PPP1R1C: variants seen among roughly 807,000 people sequenced by gnomAD.
PPP1R1C encodes protein phosphatase 1 regulatory subunit 1C.
A neutral mutation model predicts 17.4 loss-of-function variants in PPP1R1C; 15 were observed. That is an observed-to-expected ratio of 0.86 (90% CI 0.58 to 1.33). The LOEUF is 1.33. Among genes scored for constraint, PPP1R1C ranks in the 40% most tolerant of loss-of-function variants. The probability of loss-of-function intolerance (pLI) is 0.00; values close to 1 mark genes in which losing one functional copy is unlikely to be tolerated. For missense variants in PPP1R1C, 143 were observed against 130.0 expected, an observed-to-expected ratio of 1.10 and a Z score of -0.48; for synonymous variants, 35 against 43.1, an observed-to-expected ratio of 0.81 and a Z score of 0.73.
intron 1 of PPP1R1C, among the ~76,000 whole-genome samples, chr2:181,960,001 T>G (rs1232610727): frequency 1.3e-5 from 2 of 152,222 alleles, no homozygotes; most frequent in Admixed American, 6.5e-5. Flanking sequence ...ACCATGTGAT[T>G]CTTGTGTTAA....
chr2:182,054,243 C>T (rs1687616082), intron 2 of PPP1R1C, among the ~76,000 whole-genome samples: 2 of 152,176 alleles, frequency 1.3e-5, no homozygotes, highest in Non-Finnish European at 2.9e-5. Flanking sequence ...GTTCCAGGTT[C>T]CTTTCACTGA....
chr2:182,077,880 G>C (rs770478632), intron 4 of PPP1R1C, among the ~76,000 whole-genome samples: 1 of 152,174 alleles, frequency 6.6e-6, no homozygotes, highest in Non-Finnish European at 1.5e-5. Flanking sequence ...AGAAAATAAT[G>C]TTTAAGAAGT....
intron 1 of PPP1R1C, among the ~76,000 whole-genome samples, chr2:181,969,335 C>T (rs1312843716): frequency 1.3e-5 from 2 of 152,070 alleles, no homozygotes; most frequent in African/African-American, 4.8e-5. Flanking sequence ...TTTATTTCTC[C>T]TTCATGTTTG....
chr2:182,101,367 A>G (rs1365098805), intron 4 of PPP1R1C, among the ~76,000 whole-genome samples: 1 of 152,212 alleles, frequency 6.6e-6, no homozygotes, highest in African/African-American at 2.4e-5. Context: ...TTATACTAAC[A>G]GTCCATTTCA....
intron 2 of PPP1R1C, among the ~76,000 whole-genome samples, chr2:181,977,906 C>T (rs1388980865): frequency 6.6e-6 from 1 of 152,164 alleles, no homozygotes; most frequent in African/African-American, 2.4e-5. Flanking sequence ...TCCACTGGGG[C>T]TGTTGACAGG....
intron 2 of PPP1R1C, among the ~76,000 whole-genome samples, chr2:182,050,961 A>C (rs964172425): frequency 6.6e-6 from 1 of 152,214 alleles, no homozygotes; most frequent in East Asian, 1.9e-4. Context: ...AAAGAGAATC[A>C]AACACATCCT....
intron 1 of PPP1R1C, 160 bp from the exon 2 acceptor site, chr2:181,987,679 T>A: frequency 1.5e-6 from 1 of 656,490 alleles, no homozygotes; most frequent in Non-Finnish European, 2.7e-6. Context: ...GGCTTTCTAT[T>A]ATTTCAAAAT....
intron 4 of PPP1R1C, among the ~76,000 whole-genome samples, chr2:182,088,604 T>C (rs570948531): frequency 2.6e-5 from 4 of 152,186 alleles, no homozygotes; most frequent in Non-Finnish European, 4.4e-5. Flanking sequence ...GTGACTTCCA[T>C]GACTAGTAAG....
At chr2:182,042,733 A>G (rs1687222490) in intron 2 of PPP1R1C, among the ~76,000 whole-genome samples, 1 of 152,190 alleles carries the variant, frequency 6.6e-6, no homozygotes, top group Non-Finnish European at 1.5e-5. Context: ...TTGGTCTGGA[A>G]TGTTGTGTTC....
chr2:181,983,306 T>C (rs1332227216), upstream of PPP1R1C, among the ~76,000 whole-genome samples: 1 of 152,128 alleles, frequency 6.6e-6, no homozygotes, highest in Non-Finnish European at 1.5e-5. Flanking sequence ...CCCGGACAAA[T>C]TATCTAAACT....
chr2:181,993,403 A>T (rs968669805), intron 2 of PPP1R1C, among the ~76,000 whole-genome samples: 6 of 152,106 alleles, frequency 3.9e-5, no homozygotes, highest in Admixed American at 3.9e-4. Context: ...CCAGATCTTG[A>T]GGTACCAGCC....
chr2:181,982,966 A>T (rs1236038802), upstream of PPP1R1C, among the ~76,000 whole-genome samples: 1 of 152,156 alleles, frequency 6.6e-6, no homozygotes, highest in Non-Finnish European at 1.5e-5. Context: ...TTCCTTTTTC[A>T]GTCAGTTTGG....
intron 4 of PPP1R1C, among the ~76,000 whole-genome samples, chr2:182,115,398 G>A (rs1376271278): frequency 1.3e-5 from 2 of 152,132 alleles, no homozygotes; most frequent in Non-Finnish European, 2.9e-5. Context: ...AGACTATGAT[G>A]TGTCAGAACT....
At chr2:181,958,279 G>A (rs1684703441) in intron 1 of PPP1R1C, among the ~76,000 whole-genome samples, 1 of 152,184 alleles carries the variant, frequency 6.6e-6, no homozygotes, top group African/African-American at 2.4e-5. Flanking sequence ...TTTTGTCCTG[G>A]CTTGAGGAAA....
intron 2 of PPP1R1C, among the ~76,000 whole-genome samples, chr2:182,050,054 C>T (rs918789333): frequency 2.6e-5 from 4 of 152,192 alleles, no homozygotes; most frequent in African/African-American, 9.7e-5. Flanking sequence ...CTGTAGTTTT[C>T]TTTGCTTTGT....
intron 2 of PPP1R1C, among the ~76,000 whole-genome samples, chr2:182,042,096 A>G (rs1202115083): frequency 6.6e-6 from 1 of 152,170 alleles, no homozygotes; most frequent in Non-Finnish European, 1.5e-5. Context: ...ACTCACGTTG[A>G]ATTGTGATAA....
intron 2 of PPP1R1C, among the ~76,000 whole-genome samples, chr2:182,060,800 C>G (rs1381184446): frequency 6.6e-6 from 1 of 151,900 alleles, no homozygotes; most frequent in Non-Finnish European, 1.5e-5. Context: ...ATGTAGGTGA[C>G]GAGGTAAAAA....
intron 4 of PPP1R1C, among the ~76,000 whole-genome samples, chr2:182,093,275 G>A (rs1688840654): frequency 6.6e-6 from 1 of 152,194 alleles, no homozygotes; most frequent in Admixed American, 6.5e-5. Flanking sequence ...CACAGCTGGA[G>A]TAGCTGGGAC....
chr2:182,129,594 A>G (rs1223486477), exon 6 of PPP1R1C: 1 of 152,150 alleles, frequency 6.6e-6, no homozygotes, highest in Non-Finnish European at 1.5e-5. Context: ...GGCTTCACCT[A>G]TATTTCTGTT....
Sources: gnomAD v4.1 joint callset for allele counts (sites outside exome capture counted in the v4.1 genomes callset) on GRCh38, gnomAD v4.1.1 for gene constraint, MANE v1.5 for transcripts, NCBI Gene and HGNC (gene_info 2026-07-23, HGNC 2026-07-21) for gene names.